Variants in KCTD1 observed in about 807,000 individuals in gnomAD.
KCTD1 encodes the protein BTB/POZ domain-containing protein KCTD1.
Under a neutral mutation model 66.0 loss-of-function variants are expected in KCTD1, and 24 were observed. The observed-to-expected ratio is 0.36, with a 90% confidence interval of 0.26 to 0.51. The LOEUF (loss-of-function observed/expected upper bound fraction) is 0.51. Among genes scored for constraint, KCTD1 ranks in the 20% least tolerant of loss-of-function variants. The probability of loss-of-function intolerance (pLI) is 0.95; values close to 1 mark genes in which losing one functional copy is unlikely to be tolerated. For missense variants in KCTD1, 943 were observed against 1,205.2 expected (o/e 0.78, Z 3.22); for synonymous variants, 511 against 517.2 (o/e 0.99, Z 0.16).
At chr18:26,567,222 A>G (rs1986001745) in intron 1 of KCTD1, among the ~76,000 whole-genome samples, 1 of 152,236 alleles carries the variant, frequency 6.6e-6, no homozygotes, top group South Asian at 2.1e-4. Context: ...GATTTCTGCT[A>G]ATCCTTACCT....
chr18:26,516,255 T>C (rs1195841292), intron 1 of KCTD1, among the ~76,000 whole-genome samples: 1 of 152,180 alleles, frequency 6.6e-6, no homozygotes, highest in Non-Finnish European at 1.5e-5. Context: ...CTCCTCATTT[T>C]CTTGACCACC....
chr18:26,594,964 C>T (rs1361099821), intron 1 of KCTD1, among the ~76,000 whole-genome samples: 1 of 151,944 alleles, frequency 6.6e-6, no homozygotes, highest in Non-Finnish European at 1.5e-5. Context: ...GAATAAATAT[C>T]TCTCTCTCCA....
At chr18:26,460,648 C>T (rs1292354323) in intron 3 of KCTD1, among the ~76,000 whole-genome samples, 3 of 152,168 alleles carry the variant, frequency 2.0e-5, no homozygotes, top group Admixed American at 1.3e-4. Context: ...CTTTAGGCCT[C>T]GACTCCTGCA....
intron 1 of KCTD1, among the ~76,000 whole-genome samples, chr18:26,645,357 G>T (rs1460652395): frequency 1.3e-5 from 2 of 152,026 alleles, no homozygotes; most frequent in Non-Finnish European, 2.9e-5. Flanking sequence ...TCAAGTGATC[G>T]TCCTGCCTCA....
At chr18:26,491,727 C>A (rs1381509937) in intron 2 of KCTD1, among the ~76,000 whole-genome samples, 2 of 152,144 alleles carry the variant, frequency 1.3e-5, no homozygotes, top group Non-Finnish European at 2.9e-5. Flanking sequence ...ACATGGGTAA[C>A]CCATGTCCCA....
chr18:26,591,464 T>C (rs2144945199), intron 1 of KCTD1: 1 of 152,276 alleles, frequency 6.6e-6, no homozygotes, highest in South Asian at 2.1e-4. Context: ...CTACTACTAC[T>C]AATAATTTAA....
Position 26,455,299 on chromosome 18 carries a change from GT to G in KCTD1, c.*443del, listed in dbSNP as rs1055474416. 2 of 152,490 alleles carry G rather than the reference GT, an allele frequency of 1.3e-5. No individual in the cohort carries two copies. Among genetic ancestry groups the G allele is most frequent in the Admixed American group, 1.3e-4 (2 of 15,226 alleles). The allele number at this position is 152,490 out of a possible 1,614,324, so 9.4% of individuals were successfully genotyped here. Reference sequence around the variant, plus strand: ...AAACTTGATTCAAGGTGTTTTGTTTGTTTTGTTTTTTTAAAAAAAAAGGAAA... The same window carrying G: ...AAACTTGATTCAAGGTGTTTTGTTTGTTTGTTTTTTTAAAAAAAAAGGAAA... On this transcript the variant is annotated 3_prime_UTR_variant, in exon 5 of 5. Coordinates refer to ENST00000580059, the MANE Select transcript of KCTD1 (RefSeq NM_001142730.3).
chr18:26,513,061 C>A (rs1983422673), intron 1 of KCTD1, among the ~76,000 whole-genome samples: 2 of 151,520 alleles, frequency 1.3e-5, no homozygotes, highest in South Asian at 4.2e-4. Context: ...AAAGAATGCA[C>A]CTTTCTGGGT....
chr18:26,645,196 G>T (rs1191812474), upstream of KCTD1, among the ~76,000 whole-genome samples: 1 of 152,156 alleles, frequency 6.6e-6, no homozygotes, highest in South Asian at 2.1e-4. Context: ...CTTCAAAAGA[G>T]GGTATCATGT....
intron 1 of KCTD1, among the ~76,000 whole-genome samples, chr18:26,598,145 G>C (rs1986810526): frequency 6.6e-6 from 1 of 152,270 alleles, no homozygotes; most frequent in Non-Finnish European, 1.5e-5. Context: ...TAATCAATCA[G>C]CTTGCTGTCT....
intron 1 of KCTD1, among the ~76,000 whole-genome samples, chr18:26,620,627 G>A (rs1388152682): frequency 6.6e-6 from 1 of 151,560 alleles, no homozygotes; most frequent in African/African-American, 2.4e-5. Context: ...GTAGAGACAG[G>A]GTTTCGCCAT....
At chr18:26,596,364 C>T (rs1598958945) in intron 1 of KCTD1, among the ~76,000 whole-genome samples, 1 of 152,192 alleles carries the variant, frequency 6.6e-6, no homozygotes, top group African/African-American at 2.4e-5. Flanking sequence ...AAAGAGAGCC[C>T]TCACCAGAAA....
At chr18:26,477,952 T>C (rs1981434949) in intron 2 of KCTD1, among the ~76,000 whole-genome samples, 1 of 152,202 alleles carries the variant, frequency 6.6e-6, no homozygotes, top group South Asian at 2.1e-4. Context: ...TTATCCAGGG[T>C]GTGGATTACA....
intron 1 of KCTD1, among the ~76,000 whole-genome samples, chr18:26,514,917 G>C (rs183419414): frequency 6.6e-6 from 1 of 152,186 alleles, no homozygotes; most frequent in Non-Finnish European, 1.5e-5. Context: ...GAGCAGATGG[G>C]TGAGAAGATA....
chr18:26,487,480 G>A (rs930333897), intron 2 of KCTD1, among the ~76,000 whole-genome samples: 4 of 152,212 alleles, frequency 2.6e-5, no homozygotes, highest in African/African-American at 4.8e-5. Context: ...TTGGCTTTAC[G>A]CTCTGAGAAG....
intron 1 of KCTD1, among the ~76,000 whole-genome samples, chr18:26,656,039 AG>A (rs1988127892): frequency 6.7e-6 from 1 of 149,732 alleles, no homozygotes; most frequent in Non-Finnish European, 1.5e-5. Context: ...GGGAGTGGGT[AG>A]GGGGGCGGCG....
chr18:26,528,756 G>C (rs1285502489), intron 1 of KCTD1, among the ~76,000 whole-genome samples: 1 of 152,138 alleles, frequency 6.6e-6, no homozygotes, highest in Non-Finnish European at 1.5e-5. Flanking sequence ...CATCTCACTT[G>C]AAATCTCAGC....
chr18:26,477,416 C>T (rs759795116), intron 2 of KCTD1, among the ~76,000 whole-genome samples: 2 of 152,168 alleles, frequency 1.3e-5, no homozygotes, highest in South Asian at 2.1e-4. Flanking sequence ...TTGCATCTAT[C>T]ATCATTTATC....
At chr18:26,514,831 A>C (rs1045127086) in intron 1 of KCTD1, among the ~76,000 whole-genome samples, 2 of 152,192 alleles carry the variant, frequency 1.3e-5, no homozygotes, top group Non-Finnish European at 2.9e-5. Context: ...GAACTGCCAG[A>C]CCTGGTATTA....
Sources: allele counts gnomAD v4.1 joint callset (sites outside exome capture counted in the v4.1 genomes callset), GRCh38; gene constraint gnomAD v4.1.1; transcripts MANE v1.5; gene names NCBI Gene and HGNC (gene_info 2026-07-23, HGNC 2026-07-21).